Variants in MYO16 observed in about 807,000 individuals in gnomAD.
MYO16 encodes the protein unconventional myosin-XVI.
Under a neutral mutation model 205.3 loss-of-function variants are expected in MYO16, and 94 were observed. The ratio of observed to expected loss-of-function variants is 0.46; its 90% CI spans 0.39 to 0.54. The LOEUF (loss-of-function observed/expected upper bound fraction) is 0.54. MYO16 is among the 20% of genes least tolerant of loss of function. The pLI is 0.00. For synonymous variants in MYO16, 988 were observed against 954.0 expected (o/e 1.04, Z -0.66); for missense variants, 2,315 against 2,387.5 (o/e 0.97, Z 0.63).
chr13:109,085,318 A>C (rs1378520969), intron 27 of MYO16, among the ~76,000 whole-genome samples: 1 of 152,316 alleles, frequency 6.6e-6, no homozygotes, highest in Middle Eastern at 3.4e-3. Context: ...ATTTAGTTGA[A>C]GTTGTAGAGA....
chr13:108,594,052 T>G (rs575589228), upstream of MYO16, among the ~76,000 whole-genome samples: 3 of 152,316 alleles, frequency 2.0e-5, no homozygotes, highest in African/African-American at 7.2e-5. Context: ...ACAAACGTGA[T>G]TATTATTCAG....
chr13:108,897,301 G>A (rs1051553019), intron 14 of MYO16, among the ~76,000 whole-genome samples: 3 of 152,160 alleles, frequency 2.0e-5, no homozygotes, highest in African/African-American at 7.2e-5. Flanking sequence ...TTATTCTACT[G>A]TGAATGCTTA....
At chr13:108,592,367 G>A (rs115891950), upstream of MYO16, among the ~76,000 whole-genome samples, 2,813 of 136,926 alleles carry the variant, frequency 0.021, 135 homozygotes, top group African/African-American at 0.075. Flanking sequence ...GGGTTGTAGG[G>A]GGTGTAGGCG....
In MYO16 at chr13:109,127,530, C is replaced by A; in HGVS notation, c.4031C>A (p.Ala1344Asp). ...GCTGTGAGCGCCTGCCTCTCCGCGG[C>A]CAGGGAAGCGGCCAACGAAGGTCAG... ...YEAVSACLSAAREAANEALAR... is the reference protein window; with the variant it reads ...YEAVSACLSADREAANEALAR... Residue 1344 changes from alanine (A) to aspartate (D), a missense_variant, in exon 31 of 35, where the codon GCC (alanine) becomes GAC (aspartate). Ala to Asp is a moderately radical substitution (Grantham distance 126). Transcript: ENST00000457511. The surrounding 1 kb of genome is among the most constrained non-coding windows in gnomAD (Gnocchi z 4.2). 6.2e-7 allele frequency: 1 copy of A among 1,611,456 alleles called. No individual in the cohort carries two copies. The highest frequency in any genetic ancestry group is 1.1e-5 in the South Asian group (1 of 91,048).
chr13:108,806,421 G>A (rs147552895), intron 6 of MYO16, among the ~76,000 whole-genome samples: 58 of 152,248 alleles, frequency 3.8e-4, no homozygotes, highest in African/African-American at 1.3e-3. Context: ...GGAACTCGGA[G>A]GGGGATGGGA....
chr13:108,653,468 T>C (rs996725241), intron 1 of MYO16, among the ~76,000 whole-genome samples: 2 of 152,110 alleles, frequency 1.3e-5, no homozygotes, highest in Admixed American at 6.5e-5. Context: ...CCAAGTCCAA[T>C]GTCATAAATG....
intron 4 of MYO16, among the ~76,000 whole-genome samples, chr13:108,743,212 A>G (rs1401272822): frequency 4.6e-5 from 7 of 152,196 alleles, no homozygotes; most frequent in African/African-American, 2.4e-5. Context: ...ATGGTCACCA[A>G]TGTTACTGAC....
At chr13:108,965,555 C>T (rs187735465) in intron 20 of MYO16, among the ~76,000 whole-genome samples, 82 of 152,114 alleles carry the variant, frequency 5.4e-4, no homozygotes, top group Non-Finnish European at 9.7e-4. Context: ...TACAGGCATG[C>T]GCCACCACAC....
At chr13:109,139,839 A>G (rs560607251) in intron 31 of MYO16, among the ~76,000 whole-genome samples, 5 of 151,608 alleles carry the variant, frequency 3.3e-5, no homozygotes, top group Non-Finnish European at 7.4e-5. Context: ...TATTATTATT[A>G]TTTTAACCAC....
chr13:108,996,831 AC>A lies in MYO16; in HGVS notation c.2442+4384del, dbSNP rs1885016485. ...AAATGATAGAATTTTTTCTCTCTAA[AC>A]ATGTTATTATAGAGCTCTGCAGATC... On this transcript the variant is annotated intron_variant, in intron 21 of 34. Transcript: ENST00000457511. Among the ~76,000 whole-genome samples, 3 of 152,176 alleles carry A rather than the reference AC, an allele frequency of 2.0e-5. No homozygotes were observed. The South Asian group carries it at 6.2e-4, about 32-fold the overall frequency.
At chr13:108,994,549 C>T (rs1320374648) in intron 21 of MYO16, among the ~76,000 whole-genome samples, 1 of 152,086 alleles carries the variant, frequency 6.6e-6, no homozygotes. Flanking sequence ...GTGTTGCTAA[C>T]AGAAGCTGGA....
intron 4 of MYO16, among the ~76,000 whole-genome samples, chr13:108,759,785 A>G (rs760692344): frequency 4.7e-5 from 7 of 149,654 alleles, no homozygotes; most frequent in Non-Finnish European, 1.0e-4. Context: ...GCGCCACTGC[A>G]CTCCAGCCTG....
chr13:109,129,853 A>G (rs1329007020), intron 31 of MYO16, among the ~76,000 whole-genome samples: 1 of 152,110 alleles, frequency 6.6e-6, no homozygotes, highest in African/African-American at 2.4e-5. Context: ...ATCTAGAAAA[A>G]GCTAAAGGTT....
At chr13:108,780,697 C>A (rs185906354) in intron 4 of MYO16, among the ~76,000 whole-genome samples, 35 of 152,250 alleles carry the variant, frequency 2.3e-4, no homozygotes, top group Middle Eastern at 6.8e-3. Context: ...ATTATGAATA[C>A]GTTTCAATAA....
At chr13:108,962,323 A>G in intron 18 of MYO16, 101 bp from the exon 19 acceptor site, 2 of 819,336 alleles carry the variant, frequency 2.4e-6, no homozygotes, top group Non-Finnish European at 3.9e-6. Context: ...ATGTTTTGTA[A>G]TGTGCCTATA....
intron 4 of MYO16, among the ~76,000 whole-genome samples, chr13:108,753,468 A>T (rs1288410301): frequency 6.6e-6 from 1 of 150,578 alleles, no homozygotes; most frequent in Non-Finnish European, 1.5e-5. Context: ...CTGTCTCTTT[A>T]TGAGTTATTT....
chr13:108,886,429 G>A (rs1247099932), intron 13 of MYO16: 15 of 456,178 alleles, frequency 3.3e-5, no homozygotes, highest in African/African-American at 1.6e-4. Flanking sequence ...CTTGCCTCAC[G>A]ACCTGGAAAA....
intron 1 of MYO16, among the ~76,000 whole-genome samples, chr13:108,634,640 C>A (rs1163609054): frequency 6.6e-6 from 1 of 152,204 alleles, no homozygotes; most frequent in Admixed American, 6.5e-5. Context: ...TCAGTGGAAT[C>A]CACTTTACTT....
At position 109,182,117 on chromosome 13, in the gene MYO16, C is replaced by G. The variant is rs907370405; in HGVS notation, c.5415+2484C>G. 7.9e-5 allele frequency among the ~76,000 whole-genome samples: 12 copies of G among 152,162 alleles called. No homozygotes were observed. The East Asian group carries it at 2.3e-3, about 29-fold the overall frequency. ...ACAGGCGGGAGCCACTGCACCTGGC[C>G]TGTTTCATAAAACATAAAGAATTTT... is the stretch of plus-strand genomic sequence containing the variant. On this transcript the variant is annotated intron_variant, in intron 34 of 34. Coordinates refer to ENST00000457511, the MANE Select transcript of MYO16 (RefSeq NM_001198950.3).
Sources: gnomAD v4.1 joint callset for allele counts (sites outside exome capture counted in the v4.1 genomes callset) on GRCh38, gnomAD v4.1.1 for gene constraint, Gnocchi (gnomAD v3.1) non-coding constraint, MANE v1.5 for transcripts, NCBI Gene and HGNC (gene_info 2026-07-23, HGNC 2026-07-21) for gene names.